The following ZFAT variants were observed in gnomAD, a reference collection of about 807,000 sequenced individuals.
ZFAT encodes zinc finger and AT-hook domain containing.
A neutral mutation model predicts 117.7 loss-of-function variants in ZFAT; 64 were observed. The observed-to-expected ratio is 0.54, with a 90% CI of 0.44 to 0.67. The LOEUF (loss-of-function observed/expected upper bound fraction) is 0.67. ZFAT is among the 30% of genes least tolerant of loss of function. The probability of loss-of-function intolerance (pLI) is 0.00; values close to 1 mark genes in which losing one functional copy is unlikely to be tolerated. For missense variants in ZFAT, 1,433 were observed against 1,584.5 expected (o/e 0.90, Z 1.62); for synonymous variants, 679 against 615.0 (o/e 1.10, Z -1.54).
chr8:134,663,956 G>T (rs922492375), intron 1 of ZFAT, among the ~76,000 whole-genome samples: 2 of 152,186 alleles, frequency 1.3e-5, no homozygotes, highest in Non-Finnish European at 2.9e-5. Context: ...AGGAAGCTGA[G>T]TCGCACGCTG....
At chr8:134,675,910 C>T (rs1240298945) in intron 1 of ZFAT, among the ~76,000 whole-genome samples, 1 of 151,974 alleles carries the variant, frequency 6.6e-6, no homozygotes, top group Admixed American at 6.6e-5. Context: ...TTTTTGTCAC[C>T]ACCAGGCCTG....
chr8:134,665,241 G>A (rs569244322), intron 1 of ZFAT, among the ~76,000 whole-genome samples: 2 of 152,298 alleles, frequency 1.3e-5, no homozygotes, highest in East Asian at 3.9e-4. Flanking sequence ...AGCAGAAGGT[G>A]GCCACTTCTC....
chr8:134,497,466 GT>G (rs1818550271), intron 15 of ZFAT, among the ~76,000 whole-genome samples: 1 of 146,092 alleles, frequency 6.8e-6, no homozygotes, highest in African/African-American at 2.6e-5. Context: ...CCTGCTGCTG[GT>G]TACACACAGA....
intron 1 of ZFAT, among the ~76,000 whole-genome samples, chr8:134,670,273 C>G (rs905166020): frequency 3.3e-5 from 5 of 152,250 alleles, no homozygotes; most frequent in African/African-American, 4.8e-5. Context: ...CTACAGAACT[C>G]TCCACCCCAA....
chr8:134,750,251 G>C, the ZFAT span, among the ~76,000 whole-genome samples: 5 of 151,150 alleles, frequency 3.3e-5, no homozygotes, highest in Admixed American at 2.6e-4. Context: ...TATTACGATT[G>C]GTATCTCTTT....
At chr8:134,696,038 G>C (rs1338888116) in intron 1 of ZFAT, among the ~76,000 whole-genome samples, 1 of 151,140 alleles carries the variant, frequency 6.6e-6, no homozygotes, top group Non-Finnish European at 1.5e-5. Context: ...TAACCAAGGA[G>C]GCACCATCCC....
chr8:134,659,118 A>C (rs1352580952), intron 1 of ZFAT, among the ~76,000 whole-genome samples: 1 of 152,202 alleles, frequency 6.6e-6, no homozygotes, highest in Non-Finnish European at 1.5e-5. Context: ...CTGCCTGGTG[A>C]TGCTGGACAA....
At chr8:134,773,207 T>G in the ZFAT span, among the ~76,000 whole-genome samples, 1 of 152,190 alleles carries the variant, frequency 6.6e-6, no homozygotes, top group Non-Finnish European at 1.5e-5. Context: ...CCAATGCTCA[T>G]TTACCACTCT....
chr8:134,748,961 C>A, the ZFAT span, among the ~76,000 whole-genome samples: 1 of 151,418 alleles, frequency 6.6e-6, no homozygotes, highest in African/African-American at 2.4e-5. Flanking sequence ...TATGCTAGCC[C>A]TTTTAACCTA....
chr8:134,579,385 A>C (rs943063037), intron 10 of ZFAT, among the ~76,000 whole-genome samples: 8 of 152,218 alleles, frequency 5.3e-5, no homozygotes, highest in African/African-American at 1.7e-4. Context: ...GGCACATCTT[A>C]TATGGTGGCA....
chr8:134,830,208 T>C, the ZFAT span, among the ~76,000 whole-genome samples: 3 of 152,194 alleles, frequency 2.0e-5, no homozygotes, highest in African/African-American at 7.2e-5. Flanking sequence ...TAAAAATTTA[T>C]TTATATATTA....
At chr8:134,761,191 G>A in the ZFAT span, among the ~76,000 whole-genome samples, 1 of 152,112 alleles carries the variant, frequency 6.6e-6, no homozygotes, top group South Asian at 2.1e-4. Flanking sequence ...AATATCTATT[G>A]AGCCCCTACT....
At chr8:134,691,144 T>TG (rs1397917602) in intron 1 of ZFAT, among the ~76,000 whole-genome samples, 1 of 152,238 alleles carries the variant, frequency 6.6e-6, no homozygotes, top group Non-Finnish European at 1.5e-5. Context: ...AGCTGCCACC[T>TG]GTGTTTACAT....
chr8:134,804,837 G>A, the ZFAT span: 4 of 529,960 alleles, frequency 7.5e-6, no homozygotes, highest in Non-Finnish European at 1.5e-5. Context: ...ACTCCACTCC[G>A]GGACAGAATT....
chr8:134,695,679 C>T (rs13282464), intron 1 of ZFAT, among the ~76,000 whole-genome samples: 15,714 of 147,956 alleles, frequency 0.11, 1,035 homozygotes, highest in Non-Finnish European at 0.16. Context: ...AAGGTGGCAC[C>T]GCCCCCCCAG....
At chr8:134,680,388 T>G (rs1489740514) in intron 1 of ZFAT, among the ~76,000 whole-genome samples, 1 of 152,116 alleles carries the variant, frequency 6.6e-6, no homozygotes, top group Non-Finnish European at 1.5e-5. Flanking sequence ...AAATTTGGAT[T>G]GTAATAAAAA....
chr8:134,791,836 A>C, the ZFAT span, among the ~76,000 whole-genome samples: 1 of 152,240 alleles, frequency 6.6e-6, no homozygotes, highest in Non-Finnish European at 1.5e-5. Context: ...CAAATGAGAC[A>C]TAAGCTGGGA....
intron 1 of ZFAT, among the ~76,000 whole-genome samples, chr8:134,710,301 G>C (rs1813943450): frequency 1.3e-5 from 2 of 152,212 alleles, no homozygotes; most frequent in Admixed American, 1.3e-4. Flanking sequence ...GCCTATGACA[G>C]GAACTATGCC....
the ZFAT span, among the ~76,000 whole-genome samples, chr8:134,802,451 C>A: frequency 3.9e-5 from 6 of 152,162 alleles, no homozygotes; most frequent in Non-Finnish European, 7.3e-5. Flanking sequence ...TAACCTCAAG[C>A]CCATGACTCA....
Sources: allele counts gnomAD v4.1 joint callset (sites outside exome capture counted in the v4.1 genomes callset), GRCh38; gene constraint gnomAD v4.1.1; transcripts MANE v1.5; gene names NCBI Gene and HGNC (gene_info 2026-07-23, HGNC 2026-07-21).